RBFOX1: variants seen among roughly 807,000 people sequenced by gnomAD.
RBFOX1 encodes the protein RNA binding protein fox-1 homolog 1.
A neutral mutation model predicts 57.7 loss-of-function variants in RBFOX1; 8 were observed. The ratio of observed to expected loss-of-function variants is 0.14; its 90% CI spans 0.08 to 0.25. RBFOX1 has a LOEUF of 0.25. Among genes scored for constraint, RBFOX1 ranks in the 10% least tolerant of loss-of-function variants. RBFOX1 has a pLI of 1.00. For synonymous variants in RBFOX1, 326 were observed against 222.4 expected (o/e 1.47, Z -4.15); for missense variants, 611 against 548.5 (o/e 1.11, Z -1.14).
intron 3 of RBFOX1, among the ~76,000 whole-genome samples, chr16:5,747,776 A>G (rs370693516): frequency 1.3e-5 from 2 of 151,980 alleles, no homozygotes; most frequent in South Asian, 2.1e-4. Flanking sequence ...TTACTTCTTT[A>G]TTAGTCTTGC....
At chr16:5,300,063 GT>G (rs1005567988) in intron 1 of RBFOX1, among the ~76,000 whole-genome samples, 10 of 150,174 alleles carry the variant, frequency 6.7e-5, no homozygotes, top group South Asian at 2.1e-4. Flanking sequence ...AAAATTGTAA[GT>G]TTTTTTTTCC....
chr16:5,409,725 T>C lies in RBFOX1; in HGVS notation c.220-57491T>C, dbSNP rs150768903. Among the ~76,000 whole-genome samples, 600 of 152,232 alleles carry C rather than the reference T, an allele frequency of 3.9e-3. 9 individuals carry two copies. Among genetic ancestry groups the C allele is most frequent in the African/African-American group, 0.014 (581 of 41,538 alleles). On this transcript the variant is annotated intron_variant, in intron 1 of 2. Coordinates refer to the RBFOX1 transcript ENST00000585867. ...CGTGTAGAGTGAGAGATGGTGTGTC[T>C]GTGCTCTAAGTATTCCAGTCTCTTA... is the stretch of plus-strand genomic sequence containing the variant.
rs565248640 is a variant in RBFOX1, at chr16:6,512,283, C to CAAAAAAAAAAA, written c.-63-142314_-63-142304dup. Among the ~76,000 whole-genome samples the CAAAAAAAAAAA allele has an allele frequency of 4.5e-3, 392 of 86,820 alleles. 20 individuals are homozygous for CAAAAAAAAAAA. Among genetic ancestry groups the CAAAAAAAAAAA allele is most frequent in the East Asian group, 0.031 (79 of 2,520 alleles). 57.0% of individuals were successfully genotyped at this position (86,820 alleles called of 152,430 possible). A position where few individuals can be genotyped will look rare whatever the true frequency, so the allele number is the denominator to read the frequency against. On this transcript the variant is annotated intron_variant, in intron 2 of 15. Transcript: ENST00000550418. ...TGGGTAACAGAGCAAGACCCTGTATCAAAAAAAAAAAAAAAAGGTAAGAGA... is the reference window on the plus strand; with the variant it reads ...TGGGTAACAGAGCAAGACCCTGTATCAAAAAAAAAAAAAAAAAAAAAAAAAAAGGTAAGAGA...
intron 6 of RBFOX1, among the ~76,000 whole-genome samples, chr16:7,582,701 C>T (rs1008040144): frequency 1.3e-5 from 2 of 152,218 alleles, no homozygotes; most frequent in African/African-American, 2.4e-5. Context: ...GTTATTTGGA[C>T]ATGAGACATC....
chr16:5,984,965 TATATA>T lies in RBFOX1; in HGVS notation c.351+117631_351+117635del, dbSNP rs1312400801. 5.2e-3 allele frequency among the ~76,000 whole-genome samples: 219 copies of T among 41,912 alleles called. 3 individuals are homozygous for T. The highest frequency in any genetic ancestry group is 0.029 in the Middle Eastern group (2 of 68). The allele number at this position is 41,912 out of a possible 152,430, so 27.5% of individuals were successfully genotyped here. ...ACTCCATTATATATATATATATATA[TATATA>T]TATATATTTTTTTTTTTTTTTTTTT... On this transcript the variant is annotated intron_variant, in intron 4 of 19. Coordinates refer to the RBFOX1 transcript ENST00000641259.
chr16:6,931,065 A>G (rs1197385164), intron 3 of RBFOX1, among the ~76,000 whole-genome samples: 1 of 151,960 alleles, frequency 6.6e-6, no homozygotes, highest in Non-Finnish European at 1.5e-5. Flanking sequence ...TCATTGCTGT[A>G]TGCCTAACAT....
chr16:5,355,481 C>T (rs1438457080), intron 1 of RBFOX1, among the ~76,000 whole-genome samples: 2 of 152,160 alleles, frequency 1.3e-5, no homozygotes, highest in Non-Finnish European at 2.9e-5. Flanking sequence ...TTTGCTGGCT[C>T]AAGGCCCGGG....
chr16:6,520,042 C>T (rs1184817844), intron 2 of RBFOX1, among the ~76,000 whole-genome samples: 1 of 152,142 alleles, frequency 6.6e-6, no homozygotes, highest in African/African-American at 2.4e-5. Flanking sequence ...GGCATGTTTC[C>T]ACCGTGCAGG....
At position 7,570,983 on chromosome 16, in the gene RBFOX1, C is replaced by A. The variant is rs549073471; in HGVS notation, c.271-8794C>A. Among the ~76,000 whole-genome samples the A allele has an allele frequency of 5.9e-5, 9 of 152,260 alleles. No individual in the cohort carries two copies. In the South Asian group the frequency reaches 1.9e-3, roughly 32 times the overall value. On this transcript the variant is annotated intron_variant, in intron 5 of 15. Coordinates refer to ENST00000550418, the MANE Select transcript of RBFOX1 (RefSeq NM_018723.4). ...TATACTCAGCAAACTGATGCAGGAA[C>A]AGAAAACCGAACACTGCATGTTCTC...
intron 2 of RBFOX1, among the ~76,000 whole-genome samples, chr16:5,589,443 A>G (rs2046936084): frequency 6.6e-6 from 1 of 152,188 alleles, no homozygotes; most frequent in South Asian, 2.1e-4. Flanking sequence ...TTCTCTTTCT[A>G]GAAACACATA....
At chr16:6,358,367 G>A (rs1445535475) in intron 2 of RBFOX1, among the ~76,000 whole-genome samples, 1 of 152,166 alleles carries the variant, frequency 6.6e-6, no homozygotes, top group African/African-American at 2.4e-5. Context: ...TTCTCTTCAT[G>A]TAAGGAGGTG....
chr16:5,619,802 A>G (rs910833920), intron 3 of RBFOX1, among the ~76,000 whole-genome samples: 32 of 151,938 alleles, frequency 2.1e-4, no homozygotes, highest in Admixed American at 2.0e-4. Flanking sequence ...ATGTCCTTTC[A>G]CTGAGTTTCC....
intron 1 of RBFOX1, among the ~76,000 whole-genome samples, chr16:6,128,367 A>G (rs966314490): frequency 1.3e-5 from 2 of 152,186 alleles, no homozygotes; most frequent in Admixed American, 1.3e-4. Context: ...TGATGCTACA[A>G]CTGATACCAG....
At chr16:6,543,419 G>GC in intron 2 of RBFOX1, among the ~76,000 whole-genome samples, 1 of 152,218 alleles carries the variant, frequency 6.6e-6, no homozygotes, top group South Asian at 2.1e-4. Context: ...TTATTGGGTT[G>GC]GCCTGATTCA....
chr16:5,711,140 G>A (rs1307294628), intron 3 of RBFOX1, among the ~76,000 whole-genome samples: 2 of 152,146 alleles, frequency 1.3e-5, no homozygotes, highest in Admixed American at 6.6e-5. Flanking sequence ...GCAGGCATGG[G>A]ACAGTTTATT....
intron 2 of RBFOX1, among the ~76,000 whole-genome samples, chr16:6,508,735 C>T (rs1337383959): frequency 6.6e-6 from 1 of 152,062 alleles, no homozygotes; most frequent in Non-Finnish European, 1.5e-5. Flanking sequence ...CGCCTAAATT[C>T]ACAGGATGAA....
At chr16:7,555,700 G>C (rs544736958) in intron 5 of RBFOX1, among the ~76,000 whole-genome samples, 25 of 152,206 alleles carry the variant, frequency 1.6e-4, no homozygotes, top group African/African-American at 5.5e-4. Flanking sequence ...CCTTTGCACT[G>C]GCTGTGTCTG....
intron 4 of RBFOX1, among the ~76,000 whole-genome samples, chr16:7,343,846 A>G (rs1000422096): frequency 6.6e-6 from 1 of 152,024 alleles, no homozygotes; most frequent in African/African-American, 2.4e-5. Flanking sequence ...GGCAGTAGTC[A>G]CCCTCTTTGA....
intron 3 of RBFOX1, among the ~76,000 whole-genome samples, chr16:5,829,349 T>C (rs2056185649): frequency 6.6e-6 from 1 of 152,156 alleles, no homozygotes; most frequent in Admixed American, 6.5e-5. Context: ...GAAAAGATCA[T>C]CTTGATGACT....
Sources: allele counts gnomAD v4.1 joint callset (sites outside exome capture counted in the v4.1 genomes callset), GRCh38; gene constraint gnomAD v4.1.1; transcripts MANE v1.5; gene names NCBI Gene and HGNC (gene_info 2026-07-23, HGNC 2026-07-21).